Variants in DPF1 observed in about 807,000 individuals in gnomAD.
DPF1 encodes double PHD fingers 1, also known as zinc finger protein neuro-d4.
A neutral mutation model predicts 58.7 loss-of-function variants in DPF1; 14 were observed. The observed-to-expected ratio is 0.24, with a 90% CI of 0.16 to 0.37. DPF1 has a LOEUF of 0.37. Among genes scored for constraint, DPF1 ranks in the 10% least tolerant of loss-of-function variants. The pLI is 1.00. For synonymous variants in DPF1, 216 were observed against 216.0 expected, an observed-to-expected ratio of 1.00 and a Z score of 0.00; for missense variants, 345 against 529.9, an observed-to-expected ratio of 0.65 and a Z score of 3.43.
chr19:38,212,496 T>G, intron 10 of DPF1, 135 bp from the exon 11 acceptor site: 1 of 547,586 alleles, frequency 1.8e-6, no homozygotes, highest in Non-Finnish European at 3.3e-6. Flanking sequence ...GAGAAGGTCT[T>G]TGCAGCAGGA....
chr19:38,226,127 C>T (rs980724586), upstream of DPF1, among the ~76,000 whole-genome samples: 3 of 151,986 alleles, frequency 2.0e-5, no homozygotes, highest in Non-Finnish European at 4.4e-5. Flanking sequence ...TCCTGACCTC[C>T]TTCTCTCTCC....
rs930834117 is a variant in DPF1 at position 38,219,356 on chromosome 19, T to C, written c.299-298A>G. 3 of 411,482 alleles carry C rather than the reference T, an allele frequency of 7.3e-6. No individual in the cohort carries two copies. The East Asian group carries it at 1.4e-4, about 19-fold the overall frequency. The allele number at this position is 411,482 out of a possible 1,614,324, so 25.5% of individuals were successfully genotyped here. On this transcript the variant is annotated intron_variant, in intron 3 of 11. Transcript: ENST00000355526. ...ACCTACTCAGGGAAGACACAGCGAC[T>C]CTCAAACATACCCAGACAAATATGG...
upstream of DPF1, among the ~76,000 whole-genome samples, chr19:38,229,078 C>T (rs544906943): frequency 6.6e-5 from 10 of 152,050 alleles, no homozygotes; most frequent in African/African-American, 2.2e-4. The surrounding 1 kb of genome is among the most constrained non-coding windows in gnomAD (Gnocchi z 5.3). Flanking sequence ...CAGCTCCCAC[C>T]CTGCGGCCGC....
upstream of DPF1, among the ~76,000 whole-genome samples, chr19:38,229,207 C>A (rs1410550448): frequency 6.6e-6 from 1 of 152,054 alleles, no homozygotes; most frequent in Non-Finnish European, 1.5e-5. The surrounding 1 kb of genome is among the most constrained non-coding windows in gnomAD (Gnocchi z 5.3). Context: ...AGCTTTCAGC[C>A]CCGGCCGGGG....
chr19:38,222,668 G>A lies in DPF1; in HGVS notation c.70C>T (p.Arg24Cys), dbSNP rs563390318. The change falls in exon 2 of 12, where the codon CGC becomes TGC. Residue 24 changes from arginine (R) to cysteine (C), a missense_variant. By Grantham distance (180) the Arg-to-Cys change is radical. Transcript: ENST00000355526. The surrounding 1 kb of genome is among the most constrained non-coding windows in gnomAD (Gnocchi z 4.9). ...DFYREAIEHC[R>C]SYNARLCAER... Reference sequence around the variant, plus strand: ...GCGCACAGGCGCGCGTTGTAACTGCGGCAGTGCTCGATGGCCTCGCGGTAG... The same window carrying A: ...GCGCACAGGCGCGCGTTGTAACTGCAGCAGTGCTCGATGGCCTCGCGGTAG... 3.7e-6 allele frequency: 6 copies of A among 1,606,494 alleles called. No homozygotes were observed. Among genetic ancestry groups the A allele is most frequent in the African/African-American group, 1.3e-5 (1 of 74,352 alleles).
chr19:38,211,689 C>A lies in DPF1; in HGVS notation c.*374G>T, dbSNP rs1305032425. The A allele has an allele frequency of 5.1e-6, 1 of 194,998 alleles. No homozygotes were observed. Among genetic ancestry groups the A allele is most frequent in the African/African-American group, 2.4e-5 (1 of 42,546 alleles). 12.1% of individuals were successfully genotyped at this position (194,998 alleles called of 1,614,324 possible). A position where few individuals can be genotyped will look rare whatever the true frequency, so the allele number is the denominator to read the frequency against. On this transcript the variant is annotated 3_prime_UTR_variant, in exon 12 of 12. Coordinates refer to ENST00000355526, the MANE Select transcript of DPF1 (RefSeq NM_001135155.3). The surrounding 1 kb of genome is among the most constrained non-coding windows in gnomAD (Gnocchi z 4.0). ...GAGGACTCTTTGTATATATTAACTT[C>A]TTTTCTTTTCTTCTTTTTTTTTTTT... is the stretch of plus-strand genomic sequence containing the variant.
rs1205550364 is a variant in DPF1 at position 38,222,776 on chromosome 19, T to C, written c.30-68A>G. 2 of 1,438,074 alleles carry C rather than the reference T, an allele frequency of 1.4e-6. No homozygotes were observed. The highest frequency in any genetic ancestry group is 2.7e-5 in the Admixed American group (1 of 37,344). 89.1% of individuals were successfully genotyped at this position (1,438,074 alleles called of 1,614,324 possible). ...GGCGCACAGGGTCGCCCAGCACCCC[T>C]TCCCCGGCTGCCGGGCCGCCCAGGC... is the stretch of plus-strand genomic sequence containing the variant. On this transcript the variant is annotated intron_variant, in intron 1 of 11. Transcript: ENST00000355526. This position sits in a 1 kb window ranked among gnomAD's most constrained non-coding sequence, Gnocchi z 4.9.
At chr19:38,216,495 C>T (rs1279511850) in intron 7 of DPF1, 92 bp from the exon 8 acceptor site, 2 of 1,437,842 alleles carry the variant, frequency 1.4e-6, no homozygotes, top group South Asian at 1.5e-5. Flanking sequence ...CCTCTTAGTC[C>T]AGGCGTGGGG....
In DPF1 at chr19:38,229,441, G is replaced by T; in HGVS notation, c.-132+118C>A. 2.1e-6 allele frequency: 1 copy of T among 472,168 alleles called. No homozygotes were observed. Among genetic ancestry groups the T allele is most frequent in the Non-Finnish European group, 2.9e-6 (1 of 343,790 alleles). 29.2% of individuals were successfully genotyped at this position (472,168 alleles called of 1,614,324 possible). A position where few individuals can be genotyped will look rare whatever the true frequency, so the allele number is the denominator to read the frequency against. ...CCCCGGGGCAAGGGTTCGCGCTGGG[G>T]GCCCCCATTCAACTACGGTCCGCGC... On this transcript the variant is annotated intron_variant, in intron 1 of 11. Transcript: ENST00000412732. The surrounding 1 kb of genome is among the most constrained non-coding windows in gnomAD (Gnocchi z 5.3).
chr19:38,225,538 C>T (rs1322194324), upstream of DPF1, among the ~76,000 whole-genome samples: 1 of 152,066 alleles, frequency 6.6e-6, no homozygotes, highest in African/African-American at 2.4e-5. Flanking sequence ...CACTGCACTC[C>T]AGCCTGGGTG....
chr19:38,229,084 G>A (rs958582437), upstream of DPF1, among the ~76,000 whole-genome samples: 1 of 152,012 alleles, frequency 6.6e-6, no homozygotes, highest in African/African-American at 2.4e-5. This position sits in a 1 kb window ranked among gnomAD's most constrained non-coding sequence, Gnocchi z 5.3. Context: ...CCACCCTGCG[G>A]CCGCGAGGGC....
In DPF1 at chr19:38,222,478, G is replaced by C. The variant is rs377671409; in HGVS notation, c.191-14C>G. 95 of 1,581,708 alleles carry C rather than the reference G, an allele frequency of 6.0e-5. No individual in the cohort carries two copies. Among genetic ancestry groups the C allele is most frequent in the Admixed American group, 2.2e-4 (11 of 50,758 alleles). On this transcript the variant is annotated splice_polypyrimidine_tract_variant and intron_variant, in intron 2 of 11. Coordinates refer to ENST00000355526, the MANE Select transcript of DPF1 (RefSeq NM_001135155.3). The surrounding 1 kb of genome is among the most constrained non-coding windows in gnomAD (Gnocchi z 4.9). Reference sequence around the variant, plus strand: ...CCGGGGCCAAACCTGGAGAGAGAGGGGGGTGAGAGGGCGGCGGCGGTGGGG... The same window carrying C: ...CCGGGGCCAAACCTGGAGAGAGAGGCGGGTGAGAGGGCGGCGGCGGTGGGG...
intron 10 of DPF1, 134 bp downstream of exon 10, chr19:38,213,510 A>G: frequency 2.7e-6 from 2 of 731,944 alleles, no homozygotes; most frequent in Non-Finnish European, 2.3e-6. Flanking sequence ...ATTTATGGAC[A>G]CCGGCATAAT....
At position 38,224,196 on chromosome 19, in the gene DPF1, C is replaced by T. The variant is rs756148953; in HGVS notation, c.-54G>A. 3 of 1,385,244 alleles carry T rather than the reference C, an allele frequency of 2.2e-6. No individual in the cohort carries two copies. Among genetic ancestry groups the T allele is most frequent in the South Asian group, 1.8e-5 (1 of 54,984 alleles). The allele number at this position is 1,385,244 out of a possible 1,614,324, so 85.8% of individuals were successfully genotyped here. On this transcript the variant is annotated 5_prime_UTR_variant, in exon 1 of 12. Coordinates refer to ENST00000355526, the MANE Select transcript of DPF1 (RefSeq NM_001135155.3). This position sits in a 1 kb window ranked among gnomAD's most constrained non-coding sequence, Gnocchi z 4.5. Reference sequence around the variant, plus strand: ...GTCCCCGCCGGGTCGGTCCTCCCAGCGGTCGGGCGGGCGCTGAGGCCGCCC... The same window carrying T: ...GTCCCCGCCGGGTCGGTCCTCCCAGTGGTCGGGCGGGCGCTGAGGCCGCCC...
At chr19:38,212,238 T>TGGGGGGGGGCC in intron 11 of DPF1, 42 bp downstream of exon 11, 1 of 585,158 alleles carries the variant, frequency 1.7e-6, no homozygotes, top group Non-Finnish European at 3.0e-6. Context: ...GAGATGGCGT[T>TGGGGGGGGGCC]CCCACCCACC....
In DPF1 at chr19:38,222,100, AAAATAAATAAAT is replaced by A. The variant is rs142392815; in HGVS notation, c.298+245_298+256del. Among the ~76,000 whole-genome samples the A allele has an allele frequency of 2.4e-3, 349 of 148,200 alleles. No homozygotes were observed. The highest frequency in any genetic ancestry group is 3.5e-3 in the Non-Finnish European group (238 of 67,072). On this transcript the variant is annotated intron_variant, in intron 3 of 11. Coordinates refer to ENST00000355526, the MANE Select transcript of DPF1 (RefSeq NM_001135155.3). The surrounding 1 kb of genome is among the most constrained non-coding windows in gnomAD (Gnocchi z 4.9). ...CCAGCCTGGGTGAAACTCTGTCTCA[AAAATAAATAAAT>A]AAATAAATAAATAAATAAATAACAA...
chr19:38,213,806 T>C, intron 9 of DPF1, 50 bp from the exon 10 acceptor site: 2 of 1,493,474 alleles, frequency 1.3e-6, no homozygotes, highest in Non-Finnish European at 1.9e-6. Flanking sequence ...GTGCCCCTGG[T>C]GGGCACTGAC....
In DPF1 at chr19:38,211,725, G is replaced by A. The variant is rs915223908; in HGVS notation, c.*338C>T. 3 of 208,802 alleles carry A rather than the reference G, an allele frequency of 1.4e-5. No individual in the cohort carries two copies. Among genetic ancestry groups the A allele is most frequent in the Non-Finnish European group, 2.7e-5 (3 of 109,130 alleles). The allele number at this position is 208,802 out of a possible 1,614,324, so 12.9% of individuals were successfully genotyped here. Reference sequence around the variant, plus strand: ...TTCTTTTTTTTTTTTTTAACTTTTTGTCTTTTTCTTTAGAAAAAGGCTCTG... The same window carrying A: ...TTCTTTTTTTTTTTTTTAACTTTTTATCTTTTTCTTTAGAAAAAGGCTCTG... On this transcript the variant is annotated 3_prime_UTR_variant, in exon 12 of 12. Transcript: ENST00000355526. The surrounding 1 kb of genome is among the most constrained non-coding windows in gnomAD (Gnocchi z 4.0).
At chr19:38,218,910 G>T in intron 4 of DPF1, 21 bp downstream of exon 4, 1 of 1,613,382 alleles carries the variant, frequency 6.2e-7, no homozygotes, top group Non-Finnish European at 8.5e-7. Flanking sequence ...TGCAGCGGGG[G>T]TCCCCCAGAG....
Sources: allele counts gnomAD v4.1 joint callset (sites outside exome capture counted in the v4.1 genomes callset), GRCh38; gene constraint gnomAD v4.1.1; non-coding constraint Gnocchi (gnomAD v3.1); transcripts MANE v1.5; gene names NCBI Gene and HGNC (gene_info 2026-07-23, HGNC 2026-07-21).